The following ZIM2 variants were observed in gnomAD, a reference collection of about 807,000 sequenced individuals.
ZIM2 encodes the protein zinc finger protein 656.
Under a neutral mutation model 38.6 loss-of-function variants are expected in ZIM2, and 14 were observed. The observed-to-expected ratio is 0.36, with a 90% confidence interval of 0.24 to 0.57. ZIM2 has a LOEUF of 0.57. Among genes scored for constraint, ZIM2 ranks in the 20% least tolerant of loss-of-function variants. The pLI, the probability that ZIM2 is intolerant of heterozygous loss-of-function variation, is 0.81. For missense variants in ZIM2, 680 were observed against 695.1 expected, an observed-to-expected ratio of 0.98 and a Z score of 0.24; for synonymous variants, 247 against 245.8, an observed-to-expected ratio of 1.00 and a Z score of -0.04.
chr19:56,811,915 A>C, intron 9 of ZIM2: 1 of 984,554 alleles, frequency 1.0e-6, no homozygotes, highest in Non-Finnish European at 1.2e-6. Context: ...ATATATTAGG[A>C]CTCCCTTCTT....
chr19:56,825,663 T>C (rs755227699), intron 3 of ZIM2, among the ~76,000 whole-genome samples: 6 of 152,174 alleles, frequency 3.9e-5, no homozygotes, highest in Non-Finnish European at 8.8e-5. Context: ...GGTCAGCACA[T>C]CTGGTGCAAC....
At chr19:56,776,257 T>C (rs756396700) in intron 12 of ZIM2, among the ~76,000 whole-genome samples, 1 of 152,148 alleles carries the variant, frequency 6.6e-6, no homozygotes. Flanking sequence ...GGGTTGGGGT[T>C]TGTCAGCATT....
intron 12 of ZIM2, among the ~76,000 whole-genome samples, chr19:56,775,876 C>T (rs544564641): frequency 2.6e-5 from 4 of 151,946 alleles, no homozygotes; most frequent in East Asian, 1.9e-4. Context: ...CCGAGATGGG[C>T]GGATCACAAG....
chr19:56,790,183 A>C (rs1256318765), intron 9 of ZIM2: 1 of 382,856 alleles, frequency 2.6e-6, no homozygotes, highest in Non-Finnish European at 4.6e-6. Context: ...ACTGCCTTCC[A>C]AATAAAGTGA....
intron 9 of ZIM2, chr19:56,812,112 T>C: frequency 1.0e-6 from 1 of 973,956 alleles, no homozygotes; most frequent in Non-Finnish European, 1.2e-6. Context: ...ATTTTGCAAA[T>C]CTTTTTTTTT....
intron 11 of ZIM2, among the ~76,000 whole-genome samples, chr19:56,781,353 C>T (rs1347312285): frequency 6.6e-6 from 1 of 152,170 alleles, no homozygotes; most frequent in East Asian, 1.9e-4. Flanking sequence ...TTCAACTTTA[C>T]CTGTGAGAAC....
chr19:56,823,373 G>A (rs990146811), intron 5 of ZIM2, among the ~76,000 whole-genome samples: 41 of 152,254 alleles, frequency 2.7e-4, no homozygotes, highest in African/African-American at 9.1e-4. Flanking sequence ...ATACTTTATC[G>A]TTGAATAAAA....
Position 56,774,607 on chromosome 19 carries a change from T to C in ZIM2, c.*81A>G. The C allele has an allele frequency of 6.6e-7, 1 of 1,515,712 alleles. No homozygotes were observed. The highest frequency in any genetic ancestry group is 8.8e-7 in the Non-Finnish European group (1 of 1,130,806). 93.9% of individuals were successfully genotyped at this position (1,515,712 alleles called of 1,614,324 possible). A position where few individuals can be genotyped will look rare whatever the true frequency, so the allele number is the denominator to read the frequency against. On this transcript the variant is annotated 3_prime_UTR_variant, in exon 13 of 13. Coordinates refer to ENST00000629319, the MANE Select transcript of ZIM2 (RefSeq NM_001387356.1). ...CAAGTTGTTAACAAGGTGGGGCTAG[T>C]GAAAGGCCTTCTCACACTCACAACA...
intron 9 of ZIM2, among the ~76,000 whole-genome samples, chr19:56,792,335 A>C (rs2145926603): frequency 6.6e-6 from 1 of 151,988 alleles, no homozygotes; most frequent in Non-Finnish European, 1.5e-5. Context: ...GTTCGAGACC[A>C]GCCCTACCAA....
intron 12 of ZIM2, among the ~76,000 whole-genome samples, chr19:56,778,274 T>C (rs954318571): frequency 6.6e-6 from 1 of 152,170 alleles, no homozygotes; most frequent in African/African-American, 2.4e-5. Context: ...ATCTATGAGA[T>C]GACTGAATAA....
chr19:56,787,974 A>C (rs1272714923), intron 10 of ZIM2, among the ~76,000 whole-genome samples: 1 of 150,830 alleles, frequency 6.6e-6, no homozygotes, highest in African/African-American at 2.4e-5. Context: ...TATTGTGTCT[A>C]TTTGATTCTT....
intron 1 of ZIM2, among the ~76,000 whole-genome samples, chr19:56,840,209 G>GC (rs1309331214): frequency 6.6e-6 from 1 of 152,210 alleles, no homozygotes; most frequent in Non-Finnish European, 1.5e-5. Flanking sequence ...CCGTGGCAGA[G>GC]CCCCCGGCTG....
rs146926530 is a variant in ZIM2, at chr19:56,814,004, C to T, written c.490+3742G>A. ...TCAATTCCCACACCGTCAGGCTCGT[C>T]GGCATCTCCCTCTGGCTCTTCAGCT... On this transcript the variant is annotated intron_variant, in intron 9 of 12. Transcript: ENST00000629319. This position sits in a 1 kb window ranked among gnomAD's most constrained non-coding sequence, Gnocchi z 5.8. 2.5e-4 allele frequency: 400 copies of T among 1,614,034 alleles called. 2 individuals carry two copies. The highest frequency in any genetic ancestry group is 1.6e-4 in the Middle Eastern group (1 of 6,084).
In ZIM2 at chr19:56,814,335, TGCTGCTGCA is replaced by T. The variant is rs753524182; in HGVS notation, c.490+3402_490+3410del. The stretch of plus-strand genomic sequence containing the variant: ...CATTGGCTTCAACTTCCTGGGCTGC[TGCTGCTGCA>T]GCTGCTGCTGCTTCATCTTCTTCTT... On this transcript the variant is annotated intron_variant, in intron 9 of 12. Transcript: ENST00000629319. The surrounding 1 kb of genome is among the most constrained non-coding windows in gnomAD (Gnocchi z 5.8). The T allele has an allele frequency of 8.7e-6, 14 of 1,613,340 alleles. No homozygotes were observed. The East Asian group carries it at 1.1e-4, about 13-fold the overall frequency.
chr19:56,796,863 T>A (rs896746407), intron 9 of ZIM2, among the ~76,000 whole-genome samples: 1 of 152,102 alleles, frequency 6.6e-6, no homozygotes, highest in African/African-American at 2.4e-5. Flanking sequence ...CATTACAGAG[T>A]AGGGTGTCGT....
At chr19:56,798,910 G>T (rs560492105) in intron 9 of ZIM2, 21 of 152,244 alleles carry the variant, frequency 1.4e-4, no homozygotes, top group African/African-American at 4.8e-4. Flanking sequence ...AAACCACAAT[G>T]AGATACCATC....
chr19:56,816,413 T>C, intron 9 of ZIM2: 2 of 1,614,086 alleles, frequency 1.2e-6, no homozygotes, highest in Non-Finnish European at 1.7e-6. Flanking sequence ...TTGTAAGTTT[T>C]CTGACGCCTT....
Position 56,812,309 on chromosome 19 carries a change from A to C in ZIM2, c.490+5437T>G. On this transcript the variant is annotated intron_variant, in intron 9 of 12. Coordinates refer to ENST00000629319, the MANE Select transcript of ZIM2 (RefSeq NM_001387356.1). ...AATACTAAGATTAGATGAACACAAC[A>C]CTCAGAAATACTCTAGGAGAGCTGA... is the stretch of plus-strand genomic sequence containing the variant. The C allele has an allele frequency of 6.1e-6, 6 of 981,972 alleles. No homozygotes were observed. In the South Asian group the frequency reaches 2.8e-4, roughly 46 times the overall value. 60.8% of individuals were successfully genotyped at this position (981,972 alleles called of 1,614,324 possible). A position where few individuals can be genotyped will look rare whatever the true frequency, so the allele number is the denominator to read the frequency against.
chr19:56,838,232 C>A (rs1201738079), intron 1 of ZIM2, among the ~76,000 whole-genome samples: 1 of 152,152 alleles, frequency 6.6e-6, no homozygotes, highest in African/African-American at 2.4e-5. Context: ...CCATTACAGC[C>A]AAAGATTGCA....
Sources: allele counts gnomAD v4.1 joint callset (sites outside exome capture counted in the v4.1 genomes callset), GRCh38; gene constraint gnomAD v4.1.1; non-coding constraint Gnocchi (gnomAD v3.1); transcripts MANE v1.5; gene names NCBI Gene and HGNC (gene_info 2026-07-23, HGNC 2026-07-21).